The following PAFAH1B1 variants were observed in gnomAD, a reference collection of about 807,000 sequenced individuals.
The protein encoded by PAFAH1B1 is platelet-activating factor acetylhydrolase IB subunit beta.
A neutral mutation model predicts 57.5 loss-of-function variants in PAFAH1B1; 2 were observed. That is an observed-to-expected ratio of 0.03 (90% CI 0.01 to 0.11). The LOEUF (loss-of-function observed/expected upper bound fraction) is 0.11, where lower values mean the gene tolerates loss of function less well. Ranked by LOEUF, PAFAH1B1 falls within the 10% of genes least tolerant of loss-of-function variation. The pLI is 1.00. For missense variants in PAFAH1B1, 257 were observed against 512.0 expected, an observed-to-expected ratio of 0.50 and a Z score of 4.81; for synonymous variants, 152 against 169.6, an observed-to-expected ratio of 0.90 and a Z score of 0.81.
At chr17:2,619,331 A>T (rs1156389556) in intron 1 of PAFAH1B1, among the ~76,000 whole-genome samples, 12 of 151,966 alleles carry the variant, frequency 7.9e-5, no homozygotes, top group Non-Finnish European at 1.6e-4. Flanking sequence ...ATTAAAAAAA[A>T]TTATTTTGTA....
At chr17:2,594,981 A>G (rs1371865603) in intron 1 of PAFAH1B1, among the ~76,000 whole-genome samples, 2 of 152,182 alleles carry the variant, frequency 1.3e-5, no homozygotes, top group Non-Finnish European at 2.9e-5. Context: ...TTTATATGTT[A>G]TGCTACCTTT....
At chr17:2,593,434 C>T (rs1261385334), upstream of PAFAH1B1, 1 of 152,764 alleles carries the variant, frequency 6.5e-6, no homozygotes, top group Non-Finnish European at 1.5e-5. Context: ...TGAGAAGCAG[C>T]ACCTCGCACG....
At chr17:2,659,086 A>T (rs1314240877) in intron 2 of PAFAH1B1, among the ~76,000 whole-genome samples, 1 of 152,004 alleles carries the variant, frequency 6.6e-6, no homozygotes, top group African/African-American at 2.4e-5. Context: ...CCCCGTCTCT[A>T]CTAAAAATAC....
At chr17:2,665,955 T>A in intron 3 of PAFAH1B1, 61 bp from the exon 4 acceptor site, 1 of 1,352,638 alleles carries the variant, frequency 7.4e-7, no homozygotes, top group Admixed American at 2.5e-5. Flanking sequence ...AGATGAATGA[T>A]CTTTGTCTTG....
intron 9 of PAFAH1B1, among the ~76,000 whole-genome samples, chr17:2,677,046 G>A (rs1005715836): frequency 7.2e-5 from 11 of 152,102 alleles, no homozygotes; most frequent in African/African-American, 2.4e-4. Flanking sequence ...CCAGCTACTC[G>A]GGAGGCTGAG....
chr17:2,628,643 G>C (rs897494453), intron 1 of PAFAH1B1, among the ~76,000 whole-genome samples: 1 of 152,048 alleles, frequency 6.6e-6, no homozygotes, highest in South Asian at 2.1e-4. Context: ...CTGTCTTGTG[G>C]AATATTATCA....
Position 2,615,145 on chromosome 17 carries a change from C to G in PAFAH1B1, c.-191+21139C>G, listed in dbSNP as rs564618793. On this transcript the variant is annotated intron_variant, in intron 1 of 10. Transcript: ENST00000397195. ...TACAATATAACAACTATTTACATAG[C>G]TTTTATTTTTTTAGGTATTCTAAGT... Among the ~76,000 whole-genome samples the G allele has an allele frequency of 6.6e-5, 10 of 152,158 alleles. No individual in the cohort carries two copies. In the South Asian group the frequency reaches 1.9e-3, roughly 28 times the overall value.
chr17:2,632,026 T>C (rs1266475), intron 1 of PAFAH1B1, among the ~76,000 whole-genome samples: 64,809 of 152,098 alleles, frequency 0.43, 16,412 homozygotes, highest in African/African-American at 0.71. Context: ...GTATCTCTCT[T>C]ATTCACTGTC....
chr17:2,600,568 C>CAAAAAAAAAAAAAAAAAAACAAAAAAA (rs559407199), intron 1 of PAFAH1B1, among the ~76,000 whole-genome samples: 1 of 77,666 alleles, frequency 1.3e-5, no homozygotes, highest in African/African-American at 4.6e-5. Flanking sequence ...GAAACTATCT[C>CAAAAAAAAAAAAAAAAAAACAAAAAAA]AAAAAAAAAA....
chr17:2,680,016 C>A, intron 9 of PAFAH1B1, 148 bp from the exon 10 acceptor site: 2 of 748,240 alleles, frequency 2.7e-6, no homozygotes, highest in South Asian at 1.7e-5. Context: ...TATGAGTTTT[C>A]AGTTTCCTTT....
chr17:2,639,852 T>TC (rs1235948367), intron 2 of PAFAH1B1: 3 of 152,132 alleles, frequency 2.0e-5, no homozygotes, highest in Non-Finnish European at 4.4e-5. Context: ...TGCTTTGGCC[T>TC]CCCAAAGTGC....
At chr17:2,670,743 C>G (rs373864826) in intron 6 of PAFAH1B1, among the ~76,000 whole-genome samples, 52 of 152,240 alleles carry the variant, frequency 3.4e-4, no homozygotes, top group African/African-American at 1.2e-3. Context: ...CCCATGCCCT[C>G]GTTCATTATT....
At chr17:2,618,198 G>A (rs946968801) in intron 1 of PAFAH1B1, among the ~76,000 whole-genome samples, 6 of 152,086 alleles carry the variant, frequency 3.9e-5, no homozygotes, top group African/African-American at 1.4e-4. Context: ...GCAGTGAGCC[G>A]AGATTGCGCC....
intron 1 of PAFAH1B1, among the ~76,000 whole-genome samples, chr17:2,627,840 A>G (rs535976951): frequency 1.6e-4 from 25 of 152,182 alleles, no homozygotes; most frequent in Admixed American, 1.2e-3. Context: ...ATTTGTGGCT[A>G]TTGTAAAAGG....
chr17:2,653,107 T>TG (rs2068887054), intron 2 of PAFAH1B1, among the ~76,000 whole-genome samples: 1 of 152,152 alleles, frequency 6.6e-6, no homozygotes, highest in Admixed American at 6.6e-5. Context: ...AGGATGAGTT[T>TG]GTGCCCTTTA....
chr17:2,629,571 G>A (rs12449535), intron 1 of PAFAH1B1, among the ~76,000 whole-genome samples: 43,592 of 152,010 alleles, frequency 0.29, 6,415 homozygotes, highest in Middle Eastern at 0.36. Context: ...TATTGGATGA[G>A]ATGTTCTGTG....
intron 1 of PAFAH1B1, among the ~76,000 whole-genome samples, chr17:2,634,642 C>T (rs2068598548): frequency 6.6e-6 from 1 of 152,084 alleles, no homozygotes; most frequent in East Asian, 1.9e-4. Flanking sequence ...CTGATCTATT[C>T]TTCACTATGT....
At chr17:2,663,700 G>A (rs1341179001) in intron 2 of PAFAH1B1, among the ~76,000 whole-genome samples, 1 of 57,554 alleles carries the variant, frequency 1.7e-5, no homozygotes, top group Non-Finnish European at 3.5e-5. Flanking sequence ...AAATTCTCTG[G>A]ATTTTTTTTT....
chr17:2,662,643 G>A (rs1306004711), intron 2 of PAFAH1B1, among the ~76,000 whole-genome samples: 1 of 151,982 alleles, frequency 6.6e-6, no homozygotes, highest in Admixed American at 6.6e-5. Flanking sequence ...GTCCTCAAGT[G>A]ATCTGCCCTC....
Sources: allele counts gnomAD v4.1 joint callset (sites outside exome capture counted in the v4.1 genomes callset), GRCh38; gene constraint gnomAD v4.1.1; transcripts MANE v1.5; gene names NCBI Gene and HGNC (gene_info 2026-07-23, HGNC 2026-07-21).